Variants in ABTB1 observed in about 807,000 individuals in gnomAD.
ABTB1 encodes ankyrin repeat and BTB domain containing 1.
A neutral mutation model predicts 57.1 loss-of-function variants in ABTB1; 45 were observed. That is an observed-to-expected ratio of 0.79 (90% CI 0.62 to 1.01). ABTB1 has a LOEUF of 1.01. ABTB1 is among the 50% of genes least tolerant of loss of function. The probability of loss-of-function intolerance (pLI) is 0.00; values close to 1 mark genes in which losing one functional copy is unlikely to be tolerated. For missense variants in ABTB1, 630 were observed against 666.3 expected, an observed-to-expected ratio of 0.95 and a Z score of 0.60; for synonymous variants, 302 against 275.4, an observed-to-expected ratio of 1.10 and a Z score of -0.95.
intron 10 of ABTB1, 100 bp from the exon 11 acceptor site, chr3:127,679,885 G>A (rs774616131): frequency 4.8e-5 from 57 of 1,182,842 alleles, no homozygotes; most frequent in East Asian, 8.1e-5. Context: ...AAGCCTTCCC[G>A]CCAGTGCCCC....
chr3:127,674,241 C>T, intron 1 of ABTB1, 150 bp from the exon 2 acceptor site: 1 of 999,610 alleles, frequency 1.0e-6, no homozygotes, highest in Non-Finnish European at 1.5e-6. Flanking sequence ...TTGAGTGCCT[C>T]TCCTGCTCTG....
At chr3:127,675,152 C>G (rs946961309) in intron 3 of ABTB1, among the ~76,000 whole-genome samples, 1 of 152,186 alleles carries the variant, frequency 6.6e-6, no homozygotes, top group Non-Finnish European at 1.5e-5. Flanking sequence ...TGCAAACGTT[C>G]ACATGGCCCA....
rs377579743 is a variant in ABTB1 at position 127,677,280 on chromosome 3, G to C, written c.756G>C (p.Glu252Asp). The C allele has an allele frequency of 2.5e-6, 4 of 1,590,666 alleles. No homozygotes were observed. The African/African-American group carries it at 4.0e-5, about 16-fold the overall frequency. ...TGGCCGATTGTGCCCTGCCCCCCGA[G>C]CTCCGAGTAAGTGCGGGGCTGGTGG... ...ALLADCALPP[E>D]LRGDLWELPF... is the part of the protein sequence containing the mutation. The change falls in exon 8 of 12, where the codon GAG (glutamate) becomes GAC (aspartate). Residue 252 changes from glutamate (E) to aspartate (D), a missense_variant. Transcript: ENST00000232744.
chr3:127,675,267 T>TC (rs1438797744), intron 3 of ABTB1, among the ~76,000 whole-genome samples: 1 of 144,120 alleles, frequency 6.9e-6, no homozygotes, highest in Non-Finnish European at 1.5e-5. Flanking sequence ...GTTTTTTCTT[T>TC]TTTTTTTTTT....
chr3:127,679,465 T>C (rs552943491), intron 10 of ABTB1: 3 of 454,422 alleles, frequency 6.6e-6, no homozygotes, highest in Non-Finnish European at 1.3e-5. Context: ...GTGGGCTCTG[T>C]GTCCCCACAG....
Position 127,677,707 on chromosome 3 carries a change from G to A in ABTB1, c.893G>A (p.Arg298Gln), listed in dbSNP as rs202201251. 17 of 1,609,082 alleles carry A rather than the reference G, an allele frequency of 1.1e-5. No homozygotes were observed. The highest frequency in any genetic ancestry group is 1.7e-4 in the Middle Eastern group (1 of 6,056). ...TTCTGTGGCCGCAGTGACTACTTCC[G>A]AGCCCTGCTGGATGACCACTTCCGA... ...AFFCGRSDYFRALLDDHFRES... is the reference protein window; with the variant it reads ...AFFCGRSDYFQALLDDHFRES... The change falls in exon 10 of 12, where the codon CGA becomes CAA. Residue 298 changes from arginine to glutamine, a missense_variant. Around this residue, in one of 3 missense-constraint regions of ABTB1, gnomAD observed 579 missense variants for 585.9 expected, o/e 0.99. Coordinates refer to ENST00000232744, the MANE Select transcript of ABTB1 (RefSeq NM_172027.3).
intron 1 of ABTB1, chr3:127,673,643 C>A (rs2074903078): frequency 1.3e-5 from 2 of 153,096 alleles, no homozygotes; most frequent in Non-Finnish European, 2.9e-5. Context: ...CCTTGGGCTT[C>A]CACTATCCCG....
intron 10 of ABTB1, chr3:127,679,778 T>A: frequency 1.7e-6 from 1 of 589,770 alleles, no homozygotes; most frequent in Non-Finnish European, 3.1e-6. Flanking sequence ...CCCCCAGTCT[T>A]CTGCCCCCTA....
intron 10 of ABTB1, 113 bp downstream of exon 10, chr3:127,677,956 C>G (rs894091523): frequency 7.3e-7 from 1 of 1,362,646 alleles, no homozygotes; most frequent in South Asian, 1.4e-5. Context: ...CCATGGTTGA[C>G]GTTTTGAGAA....
intron 10 of ABTB1, chr3:127,679,028 T>A (rs1444369420): frequency 6.4e-6 from 1 of 155,676 alleles, no homozygotes. Context: ...ACTGGGCATC[T>A]CCTGCAGCTC....
At chr3:127,673,132 AC>A (rs2074886408) in intron 1 of ABTB1, 51 bp downstream of exon 1, 1 of 1,479,106 alleles carries the variant, frequency 6.8e-7, no homozygotes, top group African/African-American at 1.5e-5. Flanking sequence ...CGCCCTCGGA[AC>A]GCCTCGGGCC....
chr3:127,673,120 G>T, intron 1 of ABTB1, 39 bp downstream of exon 1: 1 of 1,497,180 alleles, frequency 6.7e-7, no homozygotes, highest in Non-Finnish European at 8.9e-7. Context: ...GCGGGAGGTG[G>T]CCGCCCTCGG....
Position 127,680,504 on chromosome 3 carries a change from G to A in ABTB1, c.*29G>A, listed in dbSNP as rs767118204. ...CCTGGCTGGGCAGCCCCAGGGGCCA[G>A]GAGCTCTCTTGGAGACAAGCATGTG... On this transcript the variant is annotated 3_prime_UTR_variant, in exon 12 of 12. Transcript: ENST00000232744. 13 of 1,595,534 alleles carry A rather than the reference G, an allele frequency of 8.1e-6. No individual in the cohort carries two copies. In the Admixed American group the frequency reaches 1.9e-4, roughly 23 times the overall value.
chr3:127,679,762 G>C, intron 10 of ABTB1: 1 of 595,998 alleles, frequency 1.7e-6, no homozygotes, highest in South Asian at 1.9e-5. Context: ...CAGGGCATGG[G>C]AGAACCCCCC....
intron 1 of ABTB1, 108 bp from the exon 2 acceptor site, chr3:127,674,283 G>A: frequency 6.9e-7 from 1 of 1,439,176 alleles, no homozygotes; most frequent in Non-Finnish European, 9.5e-7. Context: ...ACCTGGGGGA[G>A]GCTTCCCCAT....
intron 1 of ABTB1, 191 bp downstream of exon 1, chr3:127,673,272 G>A (rs1447835906): frequency 2.1e-6 from 1 of 467,898 alleles, no homozygotes; most frequent in East Asian, 4.2e-5. Flanking sequence ...CGCTGGGGCG[G>A]GGACACTGAT....
At chr3:127,675,277 T>G (rs78638568) in intron 3 of ABTB1, among the ~76,000 whole-genome samples, 1 of 146,718 alleles carries the variant, frequency 6.8e-6, no homozygotes, top group East Asian at 2.0e-4. Flanking sequence ...TTTTTTTTTT[T>G]TTTTTTTGGA....
intron 10 of ABTB1, chr3:127,679,755 G>A: frequency 1.7e-6 from 1 of 595,838 alleles, no homozygotes; most frequent in Non-Finnish European, 3.0e-6. Flanking sequence ...GCCTGCTCAG[G>A]GCATGGGAGA....
rs2075013954 is a variant in ABTB1 at position 127,677,508 on chromosome 3, A to G, written c.806A>G (p.Asn269Ser). 3 of 1,614,072 alleles carry G rather than the reference A, an allele frequency of 1.9e-6. No homozygotes were observed. The highest frequency in any genetic ancestry group is 1.7e-6 in the Non-Finnish European group (2 of 1,180,014). The change falls in exon 9 of 12, where the codon AAC becomes AGC. Residue 269 changes from asparagine to serine, a missense_variant. Asn to Ser is a conservative substitution (Grantham distance 46). Coordinates refer to ENST00000232744, the MANE Select transcript of ABTB1 (RefSeq NM_172027.3). The part of the protein sequence containing the change: ...ELPFPCPDGF[N>S]SCPDICFRVA... Reference sequence around the variant, plus strand: ...CCCTTCCCTTGTCCTGACGGCTTCAACAGCTGCCCTGACATCTGCTTCCGA... The same window carrying G: ...CCCTTCCCTTGTCCTGACGGCTTCAGCAGCTGCCCTGACATCTGCTTCCGA...
Sources: allele counts gnomAD v4.1 joint callset (sites outside exome capture counted in the v4.1 genomes callset), GRCh38; gene constraint gnomAD v4.1.1; regional missense constraint gnomAD v4.1.1; transcripts MANE v1.5; gene names NCBI Gene and HGNC (gene_info 2026-07-23, HGNC 2026-07-21).